ZNF124: variants seen among roughly 807,000 people sequenced by gnomAD.
ZNF124 encodes the protein zinc finger protein 124.
ZNF124 carries 25 observed loss-of-function variants against 26.6 expected under a neutral mutation model. That is an observed-to-expected ratio of 0.94 (90% confidence interval 0.68 to 1.31). The LOEUF (loss-of-function observed/expected upper bound fraction) is 1.31. Among genes scored for constraint, ZNF124 ranks in the 40% most tolerant of loss-of-function variants. The probability of loss-of-function intolerance (pLI) is 0.00; values close to 1 mark genes in which losing one functional copy is unlikely to be tolerated. For synonymous variants in ZNF124, 129 were observed against 133.3 expected (o/e 0.97, Z 0.22); for missense variants, 444 against 422.2 (o/e 1.05, Z -0.45).
intron 3 of ZNF124, among the ~76,000 whole-genome samples, chr1:247,144,205 G>A (rs771177424): frequency 3.3e-5 from 5 of 151,970 alleles, no homozygotes; most frequent in Non-Finnish European, 7.4e-5. Context: ...GCGGGTTTCG[G>A]GTAGCTATCC....
chr1:247,147,003 A>G (rs560997767), intron 3 of ZNF124, among the ~76,000 whole-genome samples: 154 of 152,184 alleles, frequency 1.0e-3, no homozygotes, highest in African/African-American at 3.6e-3. Flanking sequence ...CATGGGTCAT[A>G]TGTGCAAATT....
intron 3 of ZNF124, among the ~76,000 whole-genome samples, chr1:247,157,992 G>T (rs1673251274): frequency 6.6e-6 from 1 of 151,568 alleles, no homozygotes; most frequent in South Asian, 2.1e-4. Context: ...GCTCACGCCT[G>T]TAATCCCAGC....
downstream of ZNF124, among the ~76,000 whole-genome samples, chr1:247,152,300 TAAAAC>T (rs912074508): frequency 7.0e-6 from 1 of 142,888 alleles, no homozygotes; most frequent in African/African-American, 2.5e-5. Context: ...AAAACAAAAA[TAAAAC>T]AAAATATAAA....
intron 1 of ZNF124, among the ~76,000 whole-genome samples, chr1:247,162,099 TAA>T (rs1673512776): frequency 1.3e-5 from 2 of 152,108 alleles, no homozygotes; most frequent in Non-Finnish European, 2.9e-5. Context: ...ATCTGCCTTA[TAA>T]GAGTTCCTAA....
At chr1:247,162,071 A>G (rs1307544712) in intron 1 of ZNF124, among the ~76,000 whole-genome samples, 1 of 152,184 alleles carries the variant, frequency 6.6e-6, no homozygotes, top group Admixed American at 6.5e-5. Context: ...AACTACTAAG[A>G]GAATTTGTTC....
chr1:247,159,987 T>C, intron 1 of ZNF124, 174 bp from the exon 2 acceptor site: 1 of 622,070 alleles, frequency 1.6e-6, no homozygotes, highest in Admixed American at 4.8e-5. Flanking sequence ...TTCTTTTTTT[T>C]TTTTTTTTTT....
chr1:247,145,918 C>T (rs993489374), intron 3 of ZNF124, among the ~76,000 whole-genome samples: 37 of 152,192 alleles, frequency 2.4e-4, no homozygotes, highest in African/African-American at 1.4e-4. Flanking sequence ...CCACTGCGCC[C>T]GGCCAAAGAC....
downstream of ZNF124, among the ~76,000 whole-genome samples, chr1:247,153,631 A>C (rs911666940): frequency 6.6e-6 from 1 of 152,192 alleles, no homozygotes; most frequent in Middle Eastern, 3.2e-3. Context: ...TCTACCTGGA[A>C]ACAGACAGTG....
chr1:247,160,291 C>A (rs74952537), intron 1 of ZNF124, among the ~76,000 whole-genome samples: 1 of 152,168 alleles, frequency 6.6e-6, no homozygotes, highest in African/African-American at 2.4e-5. Context: ...GCCAGCAGTT[C>A]TTATGCTAAA....
intron 3 of ZNF124, among the ~76,000 whole-genome samples, chr1:247,140,699 T>G (rs1672604280): frequency 6.6e-6 from 1 of 152,226 alleles, no homozygotes; most frequent in Non-Finnish European, 1.5e-5. Context: ...CATTTGTAGC[T>G]GACTTGTCTT....
intron 3 of ZNF124, among the ~76,000 whole-genome samples, chr1:247,135,828 A>G (rs1440562392): frequency 2.6e-5 from 4 of 152,186 alleles, no homozygotes; most frequent in African/African-American, 9.7e-5. Context: ...AAACTTATTC[A>G]CCACGATCAA....
intron 3 of ZNF124, among the ~76,000 whole-genome samples, chr1:247,140,400 T>C (rs1374926833): frequency 6.6e-6 from 1 of 152,188 alleles, no homozygotes; most frequent in African/African-American, 2.4e-5. Context: ...TTTTTTTGGA[T>C]TGGGTTTTGC....
At chr1:247,150,330 T>C (rs764329836), downstream of ZNF124, among the ~76,000 whole-genome samples, 2 of 152,224 alleles carry the variant, frequency 1.3e-5, no homozygotes, top group East Asian at 1.9e-4. Context: ...AAAACTACCA[T>C]TGACTCTTTG....
chr1:247,139,079 A>C (rs903412359), intron 3 of ZNF124, among the ~76,000 whole-genome samples: 1 of 152,194 alleles, frequency 6.6e-6, no homozygotes, highest in Non-Finnish European at 1.5e-5. Flanking sequence ...TGTTCATCTT[A>C]CATATGTTAA....
chr1:247,156,717 G>C lies in ZNF124; in HGVS notation c.905C>G (p.Ser302Cys). Reference protein sequence around the residue: ...CNNCGKGFRCSSSLRDHERTH... With the variant: ...CNNCGKGFRCCSSLRDHERTH... The stretch of plus-strand genomic sequence containing the variant: ...CCTTTCATGGTCACGAAGGGAACTG[G>C]AACATCTGAAGCCTTTACCACAATT... The change falls in exon 4 of 4, where the codon TCC (serine) becomes TGC (cysteine). Residue 302 changes from serine (S) to cysteine (C), a missense_variant. Ser to Cys is a moderately radical substitution (Grantham distance 112). Coordinates refer to ENST00000543802, the MANE Select transcript of ZNF124 (RefSeq NM_001297568.2). 1.2e-6 allele frequency: 2 copies of C among 1,613,264 alleles called. No homozygotes were observed. The highest frequency in any genetic ancestry group is 4.5e-5 in the East Asian group (2 of 44,880).
chr1:247,170,208 G>T (rs1674022773), intron 1 of ZNF124, among the ~76,000 whole-genome samples: 1 of 144,352 alleles, frequency 6.9e-6, no homozygotes, highest in Non-Finnish European at 1.5e-5. Context: ...ACTAGATCAG[G>T]TGATTATTCT....
At chr1:247,143,726 T>C (rs1011892559) in intron 3 of ZNF124, among the ~76,000 whole-genome samples, 1 of 152,204 alleles carries the variant, frequency 6.6e-6, no homozygotes. Context: ...ACCTGACTTA[T>C]GTCTTTGGTT....
chr1:247,163,985 A>G (rs188970822), intron 1 of ZNF124, among the ~76,000 whole-genome samples: 2 of 152,346 alleles, frequency 1.3e-5, no homozygotes, highest in Admixed American at 1.3e-4. Flanking sequence ...TAACATTTCA[A>G]TATATACAAG....
chr1:247,153,754 T>G (rs1673012785), downstream of ZNF124, among the ~76,000 whole-genome samples: 5 of 152,134 alleles, frequency 3.3e-5, no homozygotes, highest in South Asian at 8.3e-4. Flanking sequence ...TTAGCGTCCA[T>G]AAGAAGGTCA....
Sources: allele counts gnomAD v4.1 joint callset (sites outside exome capture counted in the v4.1 genomes callset), GRCh38; gene constraint gnomAD v4.1.1; transcripts MANE v1.5; gene names NCBI Gene and HGNC (gene_info 2026-07-23, HGNC 2026-07-21).